The following WWOX variants were observed in gnomAD, a reference collection of about 807,000 sequenced individuals.
WWOX encodes WW domain containing oxidoreductase.
Under a neutral mutation model 46.2 loss-of-function variants are expected in WWOX, and 69 were observed. The observed-to-expected ratio is 1.49, with a 90% CI of 1.23 to 1.82. WWOX has a LOEUF of 1.82. WWOX is among the 40% of genes most tolerant of loss of function. The pLI is 0.00. For missense variants in WWOX, 919 were observed against 542.6 expected, an observed-to-expected ratio of 1.69 and a Z score of -6.89; for synonymous variants, 359 against 202.6, an observed-to-expected ratio of 1.77 and a Z score of -6.56.
chr16:78,692,147 C>G (rs1461707005), intron 8 of WWOX, among the ~76,000 whole-genome samples: 2 of 152,120 alleles, frequency 1.3e-5, no homozygotes, highest in African/African-American at 4.8e-5. Flanking sequence ...TGAAAACGGA[C>G]TAATACAGTG....
intron 8 of WWOX, among the ~76,000 whole-genome samples, chr16:78,545,015 AAG>A (rs935980534): frequency 2.2e-4 from 34 of 152,142 alleles, no homozygotes; most frequent in African/African-American, 6.0e-4. Context: ...AGCTTTACAA[AAG>A]AGAGAGAGAG....
chr16:78,272,181 G>A (rs538478015), intron 5 of WWOX, among the ~76,000 whole-genome samples: 1 of 152,338 alleles, frequency 6.6e-6, no homozygotes, highest in African/African-American at 2.4e-5. Context: ...TCTGCCCCTT[G>A]TGGTGTTGAC....
intron 4 of WWOX, among the ~76,000 whole-genome samples, chr16:78,142,645 G>A (rs1279678756): frequency 6.6e-6 from 1 of 152,074 alleles, no homozygotes; most frequent in Non-Finnish European, 1.5e-5. Flanking sequence ...TAAATAAATC[G>A]TTTTCCTTGA....
At chr16:78,243,133 G>C (rs2037711672) in intron 5 of WWOX, among the ~76,000 whole-genome samples, 1 of 152,052 alleles carries the variant, frequency 6.6e-6, no homozygotes, top group Non-Finnish European at 1.5e-5. Context: ...TTAAAGTTTG[G>C]AAGCCCTTAT....
chr16:78,859,317 C>G (rs1432389466), intron 8 of WWOX, among the ~76,000 whole-genome samples: 1 of 151,746 alleles, frequency 6.6e-6, no homozygotes, highest in Non-Finnish European at 1.5e-5. Flanking sequence ...TGCTGAATTC[C>G]CCTTCTCCCT....
At chr16:78,776,396 G>C (rs1380207861) in intron 8 of WWOX, among the ~76,000 whole-genome samples, 1 of 152,038 alleles carries the variant, frequency 6.6e-6, no homozygotes, top group Non-Finnish European at 1.5e-5. Flanking sequence ...TGTGTGACCT[G>C]GGTCAACTCA....
At chr16:79,082,001 G>A (rs1051198814) in intron 8 of WWOX, among the ~76,000 whole-genome samples, 2 of 152,152 alleles carry the variant, frequency 1.3e-5, no homozygotes, top group Non-Finnish European at 2.9e-5. Context: ...AAGACCACTC[G>A]TGAGAAATTC....
In WWOX at chr16:78,245,297, T is replaced by C. The variant is rs538729100; in HGVS notation, c.516+81008T>C. Among the ~76,000 whole-genome samples the C allele has an allele frequency of 2.0e-5, 3 of 152,320 alleles. No individual in the cohort carries two copies. In the East Asian group the frequency reaches 5.8e-4, roughly 29 times the overall value. On this transcript the variant is annotated intron_variant, in intron 5 of 8. Transcript: ENST00000566780. Reference sequence around the variant, plus strand: ...CATCATTCTCCTTCTAACTGTATTTTTAGGTTGTCACTAACTCTTTTCAGT... The same window carrying C: ...CATCATTCTCCTTCTAACTGTATTTCTAGGTTGTCACTAACTCTTTTCAGT...
At chr16:79,119,205 C>G (rs898281675) in intron 8 of WWOX, among the ~76,000 whole-genome samples, 4 of 150,328 alleles carry the variant, frequency 2.7e-5, no homozygotes, top group African/African-American at 9.8e-5. Context: ...AAAAAAAAAT[C>G]ATTACTAATA....
intron 8 of WWOX, among the ~76,000 whole-genome samples, chr16:78,433,794 TTTTTTTTTTTTTTG>T: frequency 7.3e-6 from 1 of 136,776 alleles, no homozygotes. Flanking sequence ...TTTTTTTTTT[TTTTTTTTTTTTTTG>T]AGACGGAGTC....
intron 8 of WWOX, among the ~76,000 whole-genome samples, chr16:79,190,231 G>C (rs756436412): frequency 5.5e-4 from 83 of 152,022 alleles, no homozygotes; most frequent in Non-Finnish European, 9.3e-4. Flanking sequence ...CACCGTGTTG[G>C]CCAGGCTGGT....
chr16:78,154,189 T>C (rs564527611), intron 4 of WWOX, among the ~76,000 whole-genome samples: 1 of 152,278 alleles, frequency 6.6e-6, no homozygotes, highest in East Asian at 1.9e-4. Flanking sequence ...TTTTTTTGCT[T>C]CCTACATGAT....
intron 8 of WWOX, among the ~76,000 whole-genome samples, chr16:79,054,443 G>A (rs1469845567): frequency 6.6e-6 from 1 of 152,166 alleles, no homozygotes; most frequent in East Asian, 1.9e-4. Context: ...ATGACAACAG[G>A]GAGAAGTCTT....
At chr16:79,140,980 A>T (rs945087229) in intron 8 of WWOX, among the ~76,000 whole-genome samples, 2 of 152,184 alleles carry the variant, frequency 1.3e-5, no homozygotes, top group Non-Finnish European at 2.9e-5. Flanking sequence ...AATTAAAGGA[A>T]GAATATAGGC....
At chr16:78,570,643 G>C (rs1261871146) in intron 8 of WWOX, among the ~76,000 whole-genome samples, 1 of 152,116 alleles carries the variant, frequency 6.6e-6, no homozygotes, top group South Asian at 2.1e-4. Flanking sequence ...CTTCCTACTA[G>C]AAGCCAGGCG....
chr16:78,331,749 G>C (rs1185328585), intron 5 of WWOX, among the ~76,000 whole-genome samples: 1 of 152,136 alleles, frequency 6.6e-6, no homozygotes, highest in Non-Finnish European at 1.5e-5. Context: ...ACATTGGTTT[G>C]TCCATATTAA....
At chr16:78,330,395 A>G (rs4430758) in intron 5 of WWOX, among the ~76,000 whole-genome samples, 55,083 of 150,886 alleles carry the variant, frequency 0.37, 11,468 homozygotes, top group East Asian at 0.63. Context: ...TTCACCAGTG[A>G]TAATTTTTTT....
chr16:79,112,219 C>G (rs1023915141), intron 8 of WWOX, among the ~76,000 whole-genome samples: 7 of 152,140 alleles, frequency 4.6e-5, no homozygotes, highest in African/African-American at 1.7e-4. Flanking sequence ...CAAACAGACT[C>G]TTGGTTTGTG....
intron 8 of WWOX, among the ~76,000 whole-genome samples, chr16:79,127,126 A>G (rs906255904): frequency 4.8e-4 from 73 of 152,176 alleles, no homozygotes; most frequent in Admixed American, 2.6e-4. Flanking sequence ...AAAGTAGAAG[A>G]TAAAAACAAG....
Sources: allele counts gnomAD v4.1 joint callset (sites outside exome capture counted in the v4.1 genomes callset), GRCh38; gene constraint gnomAD v4.1.1; transcripts MANE v1.5; gene names NCBI Gene and HGNC (gene_info 2026-07-23, HGNC 2026-07-21).